The following SLC24A1 variants were observed in gnomAD, a reference collection of about 807,000 sequenced individuals.
The protein encoded by SLC24A1 is sodium/potassium/calcium exchanger 1.
SLC24A1 carries 52 observed loss-of-function variants against 88.1 expected under a neutral mutation model. The ratio of observed to expected loss-of-function variants is 0.59; its 90% CI spans 0.47 to 0.74. SLC24A1 has a LOEUF of 0.74. SLC24A1 is among the 30% of genes least tolerant of loss of function. The pLI, the probability that SLC24A1 is intolerant of heterozygous loss-of-function variation, is 0.00. For synonymous variants in SLC24A1, 455 were observed against 498.0 expected (o/e 0.91, Z 1.15); for missense variants, 1,173 against 1,363.3 (o/e 0.86, Z 2.20).
chr15:65,611,564 T>C (rs544325199), exon 1 of SLC24A1: 13 of 245,180 alleles, frequency 5.3e-5, no homozygotes, highest in East Asian at 3.9e-4. Context: ...CTTCCTGCTA[T>C]TTTCCTCGTC....
In SLC24A1 at chr15:65,641,361, T is replaced by TAAAC. The variant is rs530631938; in HGVS notation, c.2053+1678_2053+1681dup. Among the ~76,000 whole-genome samples, 594 of 146,772 alleles carry TAAAC rather than the reference T, an allele frequency of 4.0e-3. 2 individuals carry two copies. The highest frequency in any genetic ancestry group is 6.5e-3 in the Non-Finnish European group (435 of 66,716). The stretch of plus-strand genomic sequence containing the variant: ...GTGACAGAGCGAGACCATCTCTAAA[T>TAAAC]AAACAAACAAACAAACAAACAAATA... On this transcript the variant is annotated intron_variant, in intron 4 of 9. Transcript: ENST00000261892.
intron 3 of SLC24A1, among the ~76,000 whole-genome samples, chr15:65,638,784 C>T (rs988622147): frequency 2.0e-5 from 3 of 151,776 alleles, no homozygotes; most frequent in African/African-American, 7.3e-5. Flanking sequence ...CACTAGATGG[C>T]AGAAGAGTTC....
chr15:65,657,512 A>G (rs368430752), downstream of SLC24A1, among the ~76,000 whole-genome samples: 965 of 152,264 alleles, frequency 6.3e-3, 4 homozygotes, highest in Admixed American at 9.5e-3. Context: ...GCGAGGTGGC[A>G]GGCGCCTATA....
At chr15:65,629,547 T>C (rs551184665) in intron 2 of SLC24A1, among the ~76,000 whole-genome samples, 36 of 152,246 alleles carry the variant, frequency 2.4e-4, no homozygotes, top group Non-Finnish European at 4.0e-4. Flanking sequence ...ACAGGCTGTC[T>C]CTCTGAAACT....
upstream of SLC24A1, among the ~76,000 whole-genome samples, chr15:65,620,295 A>G (rs146439397): frequency 2.1e-3 from 326 of 152,170 alleles, 1 homozygote; most frequent in Non-Finnish European, 3.9e-3. Flanking sequence ...TGTTGTAACA[A>G]TGAAATGCAT....
rs1316638741 is a variant in SLC24A1, at chr15:65,650,038, CAT to C, written c.2233-343_2233-342del. 6.6e-6 allele frequency among the ~76,000 whole-genome samples: 1 copy of C among 152,186 alleles called. No homozygotes were observed. Among genetic ancestry groups the C allele is most frequent in the Non-Finnish European group, 1.5e-5 (1 of 68,036 alleles). Reference sequence around the variant, plus strand: ...TTTAACCCAGGGAAGAGAGCTGTCTCATGGAAGACTGATGTTTTGTAAGGCAT... The same window carrying C: ...TTTAACCCAGGGAAGAGAGCTGTCTCGGAAGACTGATGTTTTGTAAGGCAT... On this transcript the variant is annotated intron_variant, in intron 6 of 9. Transcript: ENST00000261892. The surrounding 1 kb of genome is among the most constrained non-coding windows in gnomAD (Gnocchi z 4.1).
rs373453384 is a variant in SLC24A1, at chr15:65,625,691, C to A, written c.1611C>A (p.Leu537=). The change falls in exon 2 of 10, where the codon CTC becomes CTA. Residue 537 remains leucine, a synonymous_variant. Coordinates refer to ENST00000261892, the MANE Select transcript of SLC24A1 (RefSeq NM_004727.3). The stretch of plus-strand genomic sequence containing the variant: ...TGGGCTCTGCTGTGTTCAACATTCT[C>A]TTTGTCATTGGCACTTGTTCCCTCT... The part of the protein sequence containing the change: ...TIVGSAVFNI[L]FVIGTCSLFS... 7 of 1,614,018 alleles carry A rather than the reference C, an allele frequency of 4.3e-6. No individual in the cohort carries two copies. Among genetic ancestry groups the A allele is most frequent in the South Asian group, 1.1e-5 (1 of 91,082 alleles).
At chr15:65,635,479 A>G (rs965336460) in intron 2 of SLC24A1, among the ~76,000 whole-genome samples, 4 of 151,506 alleles carry the variant, frequency 2.6e-5, no homozygotes, top group African/African-American at 9.7e-5. Flanking sequence ...AAGAAAAAAA[A>G]AGAAAGAACT....
chr15:65,626,384 G>A (rs1421061800), intron 2 of SLC24A1, among the ~76,000 whole-genome samples: 1 of 152,206 alleles, frequency 6.6e-6, no homozygotes, highest in African/African-American at 2.4e-5. Context: ...GAGGAAAAAT[G>A]ATCATCTCTT....
At chr15:65,628,071 A>G (rs1163181172) in intron 2 of SLC24A1, among the ~76,000 whole-genome samples, 1 of 151,940 alleles carries the variant, frequency 6.6e-6, no homozygotes, top group Non-Finnish European at 1.5e-5. Context: ...AGCAATCCCC[A>G]CCTCAGCCTC....
chr15:65,652,409 C>T, intron 8 of SLC24A1: 1 of 453,698 alleles, frequency 2.2e-6, no homozygotes, highest in Non-Finnish European at 4.0e-6. Context: ...ACTTTTAGTC[C>T]AATTGTGAAA....
intron 2 of SLC24A1, 78 bp downstream of exon 2, chr15:65,626,048 G>A (rs1257827250): frequency 2.9e-6 from 3 of 1,051,112 alleles, no homozygotes; most frequent in South Asian, 2.5e-5. Flanking sequence ...TGAAGAGAAG[G>A]TGCTGGATCA....
At chr15:65,619,845 G>C (rs1054921554), upstream of SLC24A1, among the ~76,000 whole-genome samples, 16 of 152,028 alleles carry the variant, frequency 1.1e-4, no homozygotes, top group African/African-American at 3.9e-4. Context: ...TACCCCATCT[G>C]TTCTTCCATC....
In SLC24A1 at chr15:65,642,550, C is replaced by G. The variant is rs908064881; in HGVS notation, c.2054-1877C>G. Among the ~76,000 whole-genome samples, 10 of 152,282 alleles carry G rather than the reference C, an allele frequency of 6.6e-5. 1 individual carries two copies. The highest frequency in any genetic ancestry group is 2.4e-4 in the African/African-American group (10 of 41,568). ...ATAATCTCAGTGCCAAGACCAGAAC[C>G]AAGGGAGCCCTCCTGTGACAGCAGC... On this transcript the variant is annotated intron_variant, in intron 4 of 9. Transcript: ENST00000261892.
In SLC24A1 at chr15:65,640,962, G is replaced by T. The variant is rs929113928; in HGVS notation, c.2053+1259G>T. 1.2e-4 allele frequency among the ~76,000 whole-genome samples: 19 copies of T among 152,326 alleles called. 1 individual carries two copies. Among genetic ancestry groups the T allele is most frequent in the Admixed American group, 1.2e-3 (18 of 15,302 alleles). On this transcript the variant is annotated intron_variant, in intron 4 of 9. Coordinates refer to ENST00000261892, the MANE Select transcript of SLC24A1 (RefSeq NM_004727.3). ...TGTAATCCCAGCTACTTGGGAGGCT[G>T]AGACGGGAGAGTCACTTGAACCCGG...
upstream of SLC24A1, among the ~76,000 whole-genome samples, chr15:65,619,929 C>T (rs1185371845): frequency 2.0e-5 from 3 of 152,058 alleles, no homozygotes; most frequent in African/African-American, 7.2e-5. Context: ...CTCAGTGGTG[C>T]TGGCCATTCT....
intron 2 of SLC24A1, among the ~76,000 whole-genome samples, chr15:65,637,570 T>G (rs940120824): frequency 2.0e-5 from 3 of 152,220 alleles, no homozygotes; most frequent in African/African-American, 7.2e-5. Context: ...ATTCATTCAT[T>G]TAATAAATAT....
Position 65,625,391 on chromosome 15 carries a change from G to A in SLC24A1, c.1311G>A (p.Lys437=), listed in dbSNP as rs374597851. ...CCAGCTTGCCAGACCTCCACCCCAA[G>A]GGAGAGTACCCCCCAGATCTGTTCA... is the stretch of plus-strand genomic sequence containing the variant. ...LPPSLPDLHP[K]GEYPPDLFSV... is the part of the protein sequence containing the mutation. The change falls in exon 2 of 10, where the codon AAG becomes AAA. Residue 437 remains lysine (K), a synonymous_variant. Transcript: ENST00000261892. The A allele has an allele frequency of 2.2e-5, 35 of 1,613,912 alleles. No homozygotes were observed. In the African/African-American group the frequency reaches 4.0e-4, roughly 18 times the overall value.
chr15:65,648,176 C>T (rs1266343800), intron 6 of SLC24A1, among the ~76,000 whole-genome samples: 5 of 152,120 alleles, frequency 3.3e-5, no homozygotes, highest in Non-Finnish European at 4.4e-5. Flanking sequence ...GAGAGAATGG[C>T]GTGAACCCGG....
Sources: allele counts gnomAD v4.1 joint callset (sites outside exome capture counted in the v4.1 genomes callset), GRCh38; gene constraint gnomAD v4.1.1; non-coding constraint Gnocchi (gnomAD v3.1); transcripts MANE v1.5; gene names NCBI Gene and HGNC (gene_info 2026-07-23, HGNC 2026-07-21).